The following STAMBP variants were observed in gnomAD, a reference collection of about 807,000 sequenced individuals.
STAMBP encodes STAM-binding protein.
Under a neutral mutation model 50.7 loss-of-function variants are expected in STAMBP, and 31 were observed. The ratio of observed to expected loss-of-function variants is 0.61; its 90% CI spans 0.46 to 0.83. The LOEUF is 0.83. STAMBP is among the 40% of genes least tolerant of loss of function. The pLI, the probability that STAMBP is intolerant of heterozygous loss-of-function variation, is 0.00. For missense variants in STAMBP, 472 were observed against 518.9 expected (o/e 0.91, Z 0.88); for synonymous variants, 211 against 192.4 (o/e 1.10, Z -0.80).
At chr2:73,840,312 T>TG (rs1491542043) in intron 2 of STAMBP, among the ~76,000 whole-genome samples, 8 of 137,688 alleles carry the variant, frequency 5.8e-5, no homozygotes, top group African/African-American at 1.7e-4. Context: ...TTTAGGGGTT[T>TG]GTTTTTTTTT....
chr2:73,831,437 T>A (rs961489909), intron 2 of STAMBP, among the ~76,000 whole-genome samples: 1 of 152,246 alleles, frequency 6.6e-6, no homozygotes, highest in African/African-American at 2.4e-5. Flanking sequence ...CACTTGTACT[T>A]ATTTTGTAGC....
intron 3 of STAMBP, 137 bp from the exon 4 acceptor site, chr2:73,845,030 G>A (rs1675885602): frequency 6.6e-7 from 1 of 1,521,884 alleles, no homozygotes. Flanking sequence ...CAGTTCTGAA[G>A]TAGCAGGTAT....
At chr2:73,853,053 G>A (rs924320233) in intron 7 of STAMBP, among the ~76,000 whole-genome samples, 3 of 151,854 alleles carry the variant, frequency 2.0e-5, no homozygotes, top group African/African-American at 4.8e-5. Context: ...CACCGCACCC[G>A]GCCAAGGAAG....
At chr2:73,832,108 T>TATATATATATATATATATATAC (rs1006072205) in intron 2 of STAMBP, among the ~76,000 whole-genome samples, 2,177 of 121,548 alleles carry the variant, frequency 0.018, 62 homozygotes, top group African/African-American at 0.023. Context: ...TATATATATA[T>TATATATATATATATATATATAC]ACACATATAT....
rs955078951 is a variant in STAMBP at position 73,859,132 on chromosome 2, A to G, written c.1006-122A>G. 39 of 708,042 alleles carry G rather than the reference A, an allele frequency of 5.5e-5. No individual in the cohort carries two copies. In the African/African-American group the frequency reaches 5.9e-4, roughly 11 times the overall value. The allele number at this position is 708,042 out of a possible 1,614,324, so 43.9% of individuals were successfully genotyped here. ...TCTCTTTCTCAAAGTATGTTATCGT[A>G]TGTAATATTTTCAGATTGCAGTTGA... On this transcript the variant is annotated intron_variant, in intron 7 of 9. Transcript: ENST00000394070.
intron 9 of STAMBP, chr2:73,860,502 AC>A: frequency 2.1e-6 from 2 of 975,032 alleles, no homozygotes; most frequent in African/African-American, 3.5e-5. Context: ...ATTAAATGTT[AC>A]TTTTTCCTTT....
At chr2:73,840,329 T>TTC (rs397731714) in intron 2 of STAMBP, among the ~76,000 whole-genome samples, 1 of 149,930 alleles carries the variant, frequency 6.7e-6, no homozygotes, top group Admixed American at 6.6e-5. Context: ...TTTTTTTTTT[T>TTC]CAGTTTTTTC....
rs1558579725 is a variant in STAMBP at position 73,849,441 on chromosome 2, A to G, written c.821A>G (p.Asn274Ser). ...CAGTTTCTCCAGTTAGCCAGTGCCA[A>G]CACTGCCCGGGGAGTGGAGACATGT... is the stretch of plus-strand genomic sequence containing the variant. Reference protein sequence around the residue: ...CPQFLQLASANTARGVETCGI... With the variant: ...CPQFLQLASASTARGVETCGI... Residue 274 changes from asparagine to serine, a missense_variant, in exon 6 of 10, where the codon AAC becomes AGC. Physicochemically the swap from Asn to Ser is conservative, Grantham distance 46. Coordinates refer to ENST00000394070, the MANE Select transcript of STAMBP (RefSeq NM_213622.4). 1.2e-6 allele frequency: 2 copies of G among 1,613,692 alleles called. No individual in the cohort carries two copies. The highest frequency in any genetic ancestry group is 1.7e-6 in the Non-Finnish European group (2 of 1,179,816).
chr2:73,837,418 T>C (rs1463429290), intron 2 of STAMBP, among the ~76,000 whole-genome samples: 9 of 142,912 alleles, frequency 6.3e-5, no homozygotes, highest in African/African-American at 1.8e-4. Context: ...ACCCCATCTC[T>C]ACTAAAAATA....
intron 2 of STAMBP, 48 bp downstream of exon 2, chr2:73,831,107 G>T (rs917981848): frequency 6.6e-7 from 1 of 1,510,752 alleles, no homozygotes; most frequent in Non-Finnish European, 9.2e-7. Context: ...CTGGTGCCTC[G>T]CCTATTTGGC....
intron 2 of STAMBP, among the ~76,000 whole-genome samples, chr2:73,841,650 C>G (rs1675403269): frequency 6.6e-6 from 1 of 152,162 alleles, no homozygotes. Flanking sequence ...AGTTCTTCTT[C>G]CAGTGTGGCC....
chr2:73,839,705 G>C (rs1432378914), intron 2 of STAMBP, among the ~76,000 whole-genome samples: 1 of 152,224 alleles, frequency 6.6e-6, no homozygotes, highest in Non-Finnish European at 1.5e-5. Flanking sequence ...AGTGAAAAGA[G>C]AAGTCTCATC....
In STAMBP at chr2:73,850,309, G is replaced by T. The variant is rs537056302; in HGVS notation, c.868-67G>T. The T allele has an allele frequency of 6.5e-7, 1 of 1,535,082 alleles. No homozygotes were observed. Among genetic ancestry groups the T allele is most frequent in the Non-Finnish European group, 8.8e-7 (1 of 1,138,070 alleles). On this transcript the variant is annotated intron_variant, in intron 6 of 9. Coordinates refer to ENST00000394070, the MANE Select transcript of STAMBP (RefSeq NM_213622.4). This position sits in a 1 kb window ranked among gnomAD's most constrained non-coding sequence, Gnocchi z 4.3. ...TATAGATGCTTACCTTTCCACTGTC[G>T]GGATGGAGTGGAGCAGGGTTGCATG...
chr2:73,845,098 T>A (rs560865854), intron 3 of STAMBP, 69 bp from the exon 4 acceptor site: 2 of 1,593,132 alleles, frequency 1.3e-6, no homozygotes, highest in Admixed American at 3.5e-5. Flanking sequence ...CCAACTTGAC[T>A]TAAGTCTTCT....
chr2:73,859,951 C>G, intron 8 of STAMBP, 101 bp from the exon 9 acceptor site: 1 of 781,652 alleles, frequency 1.3e-6, no homozygotes, highest in South Asian at 1.6e-5. Flanking sequence ...TGACCTCTGC[C>G]CTGCTGTGTG....
chr2:73,861,858 C>A (rs540145505), intron 9 of STAMBP, among the ~76,000 whole-genome samples: 1 of 152,148 alleles, frequency 6.6e-6, no homozygotes, highest in Non-Finnish European at 1.5e-5. Context: ...ACTTTTCAGG[C>A]CGGGCACGGT....
chr2:73,834,012 A>G (rs1317607260), intron 2 of STAMBP, among the ~76,000 whole-genome samples: 1 of 151,464 alleles, frequency 6.6e-6, no homozygotes, highest in African/African-American at 2.4e-5. Flanking sequence ...GGAGTTCAAG[A>G]CAAGCCTCGT....
chr2:73,838,699 T>C (rs571147117), intron 2 of STAMBP, among the ~76,000 whole-genome samples: 17 of 152,330 alleles, frequency 1.1e-4, no homozygotes, highest in Admixed American at 3.9e-4. Flanking sequence ...ATGGGGAGTT[T>C]GTCCCTGTCA....
At chr2:73,857,845 C>T (rs1261301838) in intron 7 of STAMBP, among the ~76,000 whole-genome samples, 1 of 152,138 alleles carries the variant, frequency 6.6e-6, no homozygotes, top group Non-Finnish European at 1.5e-5. Flanking sequence ...AAATCCTCAT[C>T]TGTTTAGTTG....
Sources: gnomAD v4.1 joint callset for allele counts (sites outside exome capture counted in the v4.1 genomes callset) on GRCh38, gnomAD v4.1.1 for gene constraint, Gnocchi (gnomAD v3.1) non-coding constraint, MANE v1.5 for transcripts, NCBI Gene and HGNC (gene_info 2026-07-23, HGNC 2026-07-21) for gene names.